EYS: variants seen among roughly 807,000 people sequenced by gnomAD.
EYS encodes the protein protein eyes shut homolog.
A neutral mutation model predicts 282.1 loss-of-function variants in EYS; 250 were observed. The ratio of observed to expected loss-of-function variants is 0.89; its 90% CI spans 0.80 to 0.98. The LOEUF (loss-of-function observed/expected upper bound fraction) is 0.98, where lower values mean the gene tolerates loss of function less well. EYS is among the 50% of genes least tolerant of loss of function. EYS has a pLI of 0.00. For synonymous variants in EYS, 1,355 were observed against 1,282.9 expected (o/e 1.06, Z -1.20); for missense variants, 4,016 against 3,709.0 (o/e 1.08, Z -2.15).
At chr6:65,549,468 AC>A (rs1768518988) in intron 2 of EYS, among the ~76,000 whole-genome samples, 1 of 151,956 alleles carries the variant, frequency 6.6e-6, no homozygotes, top group Admixed American at 6.6e-5. Flanking sequence ...ATGAGACTAC[AC>A]CTCTGCTCAT....
chr6:64,666,543 T>C (rs1296652576), intron 22 of EYS, among the ~76,000 whole-genome samples: 1 of 152,228 alleles, frequency 6.6e-6, no homozygotes, highest in East Asian at 1.9e-4. Context: ...AATCACACAC[T>C]TCTTAAATGT....
At chr6:64,908,657 G>A (rs1021576796) in intron 16 of EYS, among the ~76,000 whole-genome samples, 5 of 152,152 alleles carry the variant, frequency 3.3e-5, no homozygotes, top group Admixed American at 6.5e-5. Context: ...AGGACAGGTC[G>A]TCTTCCTGTA....
intron 2 of EYS, among the ~76,000 whole-genome samples, chr6:65,549,894 G>A (rs1204937769): frequency 2.0e-5 from 3 of 152,156 alleles, no homozygotes; most frequent in East Asian, 3.9e-4. Flanking sequence ...CAGGGAGATC[G>A]ATGTTCCACC....
intron 35 of EYS, among the ~76,000 whole-genome samples, chr6:63,979,858 G>A (rs1040927543): frequency 4.5e-4 from 68 of 151,822 alleles, no homozygotes; most frequent in African/African-American, 1.6e-3. Flanking sequence ...AAAAAGATTG[G>A]ACACTGTCCA....
rs966670502 is a variant in EYS, at chr6:65,008,785, C to A, written c.2138-11082G>T. ...CCCATGCCATCACCCTCACAGAGCC[C>A]CAGGTATGCTTGACCATTGAGGGCC... On this transcript the variant is annotated intron_variant, in intron 13 of 42. Coordinates refer to ENST00000503581, the MANE Select transcript of EYS (RefSeq NM_001142800.2). Among the ~76,000 whole-genome samples, 14 of 152,272 alleles carry A rather than the reference C, an allele frequency of 9.2e-5. No homozygotes were observed. The East Asian group carries it at 2.7e-3, about 30-fold the overall frequency.
At chr6:65,670,366 C>T (rs978636414) in intron 1 of EYS, among the ~76,000 whole-genome samples, 10 of 152,050 alleles carry the variant, frequency 6.6e-5, no homozygotes, top group African/African-American at 2.4e-4. Context: ...TAAGGGATTC[C>T]CATTGTTGCT....
At chr6:64,277,049 C>T (rs886532419) in intron 30 of EYS, among the ~76,000 whole-genome samples, 3 of 152,028 alleles carry the variant, frequency 2.0e-5, no homozygotes, top group African/African-American at 7.2e-5. Context: ...TTTTTGAAAT[C>T]ATTCTATGAC....
chr6:65,693,541 C>T (rs1769325915), intron 1 of EYS, among the ~76,000 whole-genome samples: 2 of 147,660 alleles, frequency 1.4e-5, no homozygotes, highest in African/African-American at 4.9e-5. Context: ...TGATTTTTAA[C>T]ATGAGGTTAC....
At chr6:65,338,895 A>G (rs1770092457) in intron 10 of EYS, among the ~76,000 whole-genome samples, 1 of 151,116 alleles carries the variant, frequency 6.6e-6, no homozygotes, top group Non-Finnish European at 1.5e-5. Context: ...CTTACAGAAA[A>G]TGTTCTGCAT....
chr6:64,823,032 C>G (rs1483546999), intron 19 of EYS, among the ~76,000 whole-genome samples: 1 of 151,912 alleles, frequency 6.6e-6, no homozygotes, highest in Non-Finnish European at 1.5e-5. Context: ...ATGACAAAAA[C>G]AAAGCACAAG....
At chr6:64,516,897 T>A (rs552362682) in intron 26 of EYS, among the ~76,000 whole-genome samples, 1 of 151,930 alleles carries the variant, frequency 6.6e-6, no homozygotes, top group South Asian at 2.1e-4. Flanking sequence ...ATATCAAAAC[T>A]TATTTGGAAC....
chr6:64,056,543 C>T (rs1312656016), intron 33 of EYS, among the ~76,000 whole-genome samples: 3 of 152,100 alleles, frequency 2.0e-5, no homozygotes. Context: ...TATTACTTTC[C>T]CTGAGGCTAA....
intron 26 of EYS, among the ~76,000 whole-genome samples, chr6:64,535,116 T>G (rs2050623): frequency 0.27 from 41,295 of 152,042 alleles, 5,901 homozygotes; most frequent in African/African-American, 0.38. Flanking sequence ...TCCCAACCTT[T>G]ATGTGAGTTG....
At chr6:65,302,909 A>T (rs1422716514) in intron 11 of EYS, 1 of 1,613,942 alleles carries the variant, frequency 6.2e-7, no homozygotes. Context: ...TGTCCAGTCC[A>T]ATCCTTCCCC....
intron 29 of EYS, among the ~76,000 whole-genome samples, chr6:64,372,851 A>G (rs1429457742): frequency 6.6e-6 from 1 of 152,100 alleles, no homozygotes; most frequent in Admixed American, 6.5e-5. Context: ...AGTTTGGTCA[A>G]TTCTGCTGTT....
Position 64,593,269 on chromosome 6 carries a change from C to G in EYS, c.3725G>C (p.Arg1242Thr). ...IGLLCGDEIRRITCLTPIFQR... is the reference protein window; with the variant it reads ...IGLLCGDEIRTITCLTPIFQR... ...AAAGATGGGAGTTAAACAGGTAATTCTCCTTATTTCATCACCACAAAGAAG... is the reference window on the plus strand; with the variant it reads ...AAAGATGGGAGTTAAACAGGTAATTGTCCTTATTTCATCACCACAAAGAAG... Residue 1242 changes from arginine to threonine, a missense_variant, in exon 25 of 43, where the codon AGA (arginine) becomes ACA (threonine). Physicochemically the swap from Arg to Thr is moderately conservative, Grantham distance 71. Coordinates refer to ENST00000503581, the MANE Select transcript of EYS (RefSeq NM_001142800.2). The G allele has an allele frequency of 6.4e-7, 1 of 1,550,462 alleles. No homozygotes were observed. The highest frequency in any genetic ancestry group is 8.7e-7 in the Non-Finnish European group (1 of 1,146,310).
At position 64,755,654 on chromosome 6, in the gene EYS, A is replaced by G. The variant is rs72886243; in HGVS notation, c.3443+57724T>C. On this transcript the variant is annotated intron_variant, in intron 22 of 42. Coordinates refer to ENST00000503581, the MANE Select transcript of EYS (RefSeq NM_001142800.2). Reference sequence around the variant, plus strand: ...ACATAATTCATAAACAGAATGTCAAATACTGCATGTTCTCACTTGTAAGTT... The same window carrying G: ...ACATAATTCATAAACAGAATGTCAAGTACTGCATGTTCTCACTTGTAAGTT... Among the ~76,000 whole-genome samples the G allele has an allele frequency of 6.8e-3, 1,029 of 152,230 alleles. 9 individuals carry two copies. Among genetic ancestry groups the G allele is most frequent in the Non-Finnish European group, 8.6e-3 (585 of 67,998 alleles).
chr6:63,896,451 A>G (rs1305396410), intron 35 of EYS, among the ~76,000 whole-genome samples: 4 of 152,194 alleles, frequency 2.6e-5, no homozygotes, highest in African/African-American at 9.7e-5. Context: ...AGTGGGAAGT[A>G]CAGAGTTCCC....
At chr6:65,115,369 T>A (rs370105479) in intron 12 of EYS, among the ~76,000 whole-genome samples, 7 of 152,184 alleles carry the variant, frequency 4.6e-5, no homozygotes, top group Non-Finnish European at 1.0e-4. Context: ...ATTTTAGCAA[T>A]AGCAAACTGC....
Sources: gnomAD v4.1 joint callset for allele counts (sites outside exome capture counted in the v4.1 genomes callset) on GRCh38, gnomAD v4.1.1 for gene constraint, MANE v1.5 for transcripts, NCBI Gene and HGNC (gene_info 2026-07-23, HGNC 2026-07-21) for gene names.